ITGB2: variants seen among roughly 807,000 people sequenced by gnomAD.
ITGB2 encodes integrin subunit beta 2, also known as integrin beta-2.
A neutral mutation model predicts 86.8 loss-of-function variants in ITGB2; 56 were observed. The observed-to-expected ratio is 0.65, with a 90% CI of 0.52 to 0.81. The LOEUF (loss-of-function observed/expected upper bound fraction) is 0.81. ITGB2 is among the 30% of genes least tolerant of loss of function. The probability of loss-of-function intolerance (pLI) is 0.00; values close to 1 mark genes in which losing one functional copy is unlikely to be tolerated. For missense variants in ITGB2, 948 were observed against 1,061.2 expected, an observed-to-expected ratio of 0.89 and a Z score of 1.48; for synonymous variants, 457 against 450.4, an observed-to-expected ratio of 1.01 and a Z score of -0.19.
At chr21:44,899,527 A>T (rs1257878372) in intron 7 of ITGB2, among the ~76,000 whole-genome samples, 1 of 150,346 alleles carries the variant, frequency 6.7e-6, no homozygotes, top group Non-Finnish European at 1.5e-5. Context: ...GGCTCTCCCT[A>T]CCCGAGTTCC....
chr21:44,919,659 GC>G (rs2084269104), intron 1 of ITGB2, among the ~76,000 whole-genome samples: 1 of 152,156 alleles, frequency 6.6e-6, no homozygotes, highest in African/African-American at 2.4e-5. Context: ...TGTCCCCTAT[GC>G]CCCCACAGCT....
Position 44,901,573 on chromosome 21 carries a change from C to A in ITGB2, c.660G>T (p.Glu220Asp), listed in dbSNP as rs1481624939. The part of the protein sequence containing the change: ...LTNNSNQFQT[E>D]VGKQLISGNL... ...TTCCGGAAATCAGCTGCTTCCCGAC[C>A]TCGGTCTGAAACTGGTTGGAGTTGT... Residue 220 changes from glutamate to aspartate, a missense_variant, in exon 6 of 16, where the codon GAG (glutamate) becomes GAT (aspartate). Coordinates refer to ENST00000652462, the MANE Select transcript of ITGB2 (RefSeq NM_000211.5). The A allele has an allele frequency of 1.2e-6, 2 of 1,614,268 alleles. No individual in the cohort carries two copies. Among genetic ancestry groups the A allele is most frequent in the Admixed American group, 3.3e-5 (2 of 60,030 alleles).
chr21:44,888,927 A>C, intron 13 of ITGB2, 32 bp from the exon 14 acceptor site: 1 of 1,560,324 alleles, frequency 6.4e-7, no homozygotes, highest in Non-Finnish European at 8.6e-7. Context: ...CATCGGTGCC[A>C]GGGTGTGCGG....
At chr21:44,912,838 C>T (rs990177673) in intron 1 of ITGB2, among the ~76,000 whole-genome samples, 3 of 142,474 alleles carry the variant, frequency 2.1e-5, no homozygotes, top group Non-Finnish European at 4.6e-5. Flanking sequence ...AGGGTCCAGC[C>T]GGCTTCAGGA....
intron 8 of ITGB2, among the ~76,000 whole-genome samples, chr21:44,897,354 C>A (rs1439055911): frequency 6.6e-6 from 1 of 152,230 alleles, no homozygotes. Flanking sequence ...AGCAGCAGGG[C>A]AGGGGCTGTG....
chr21:44,926,648 G>C (rs1290107379), intron 1 of ITGB2, among the ~76,000 whole-genome samples: 1 of 152,220 alleles, frequency 6.6e-6, no homozygotes, highest in Non-Finnish European at 1.5e-5. Flanking sequence ...CCGCATGTCT[G>C]GGTACAACTG....
chr21:44,899,290 AGGCAGAGGCTGCCACGCAGGAGTGCAG>A, intron 7 of ITGB2, 128 bp from the exon 8 acceptor site: 1 of 740,210 alleles, frequency 1.4e-6, no homozygotes, highest in Non-Finnish European at 2.4e-6. Context: ...AAGGCTGGAG[AGGCAGAGGCTGCCACGCAGGAGTGCAG>A]GGCAGAGAGC....
chr21:44,926,135 T>A (rs2329941), intron 1 of ITGB2, among the ~76,000 whole-genome samples: 86,250 of 150,490 alleles, frequency 0.57, 26,592 homozygotes, highest in African/African-American at 0.82. Flanking sequence ...ATAAATAAAT[T>A]AATTAATTAA....
rs778365550 is a variant in ITGB2, at chr21:44,906,997, T to A, written c.246A>T (p.Thr82=). 12 of 1,613,950 alleles carry A rather than the reference T, an allele frequency of 7.4e-6. No homozygotes were observed. The highest frequency in any genetic ancestry group is 1.0e-5 in the Non-Finnish European group (12 of 1,179,998). Reference sequence around the variant, plus strand: ...GGTCTTCCTGGGTTTCAGCGAGGCTTGTGGGGTCCATGATGTCGTCAGCCG... The same window carrying A: ...GGTCTTCCTGGGTTTCAGCGAGGCTAGTGGGGTCCATGATGTCGTCAGCCG... ...GCAADDIMDP[T]SLAETQEDHN... The change falls in exon 4 of 16, where the codon ACA becomes ACT. Residue 82 remains threonine, a synonymous_variant. Transcript: ENST00000652462.
chr21:44,904,128 C>T (rs2146533176), intron 4 of ITGB2, among the ~76,000 whole-genome samples: 1 of 152,264 alleles, frequency 6.6e-6, no homozygotes, highest in East Asian at 1.9e-4. Context: ...TCTCCATAAA[C>T]ACACATCATG....
chr21:44,903,846 G>A (rs948534019), intron 4 of ITGB2, among the ~76,000 whole-genome samples: 4 of 152,086 alleles, frequency 2.6e-5, no homozygotes, highest in Non-Finnish European at 5.9e-5. Context: ...GAGTGGCAGC[G>A]GCTCACCTGG....
intron 1 of ITGB2, among the ~76,000 whole-genome samples, chr21:44,913,183 C>T (rs534420493): frequency 2.8e-4 from 43 of 152,182 alleles, no homozygotes; most frequent in African/African-American, 6.7e-4. Context: ...GTCGCAGCTG[C>T]GCCAAGTGGG....
Position 44,886,248 on chromosome 21 carries a change from G to C in ITGB2, c.*120C>G. 1 of 1,046,728 alleles carries C rather than the reference G, an allele frequency of 9.6e-7. No homozygotes were observed. Among genetic ancestry groups the C allele is most frequent in the Non-Finnish European group, 1.5e-6 (1 of 668,282 alleles). The allele number at this position is 1,046,728 out of a possible 1,614,324, so 64.8% of individuals were successfully genotyped here. On this transcript the variant is annotated 3_prime_UTR_variant, in exon 16 of 16. Transcript: ENST00000652462. ...GGCCATGGCTGTCATTTTGAGGGCGGAAAATAACTGGATTTCTGGTTAATT... is the reference window on the plus strand; with the variant it reads ...GGCCATGGCTGTCATTTTGAGGGCGCAAAATAACTGGATTTCTGGTTAATT...
intron 13 of ITGB2, 148 bp from the exon 14 acceptor site, chr21:44,889,043 G>A (rs930731540): frequency 4.2e-5 from 30 of 709,030 alleles, no homozygotes; most frequent in African/African-American, 1.8e-4. Context: ...GGGCAGATGC[G>A]GGTGCAGCGG....
At chr21:44,907,596 G>A (rs1478301474) in intron 3 of ITGB2, among the ~76,000 whole-genome samples, 1 of 152,266 alleles carries the variant, frequency 6.6e-6, no homozygotes, top group African/African-American at 2.4e-5. Flanking sequence ...CCTGGGCCCA[G>A]GGCGCTTTCC....
At chr21:44,924,390 A>ACT (rs1488838783), upstream of ITGB2, among the ~76,000 whole-genome samples, 2 of 152,174 alleles carry the variant, frequency 1.3e-5, no homozygotes, top group Admixed American at 1.3e-4. Context: ...AGATTGTGCC[A>ACT]CTGCATTCCA....
chr21:44,919,143 C>T (rs1457465939), intron 1 of ITGB2, among the ~76,000 whole-genome samples: 2 of 152,188 alleles, frequency 1.3e-5, no homozygotes, highest in Non-Finnish European at 2.9e-5. Flanking sequence ...CACCGAGGGC[C>T]ACAGCCCCCC....
intron 10 of ITGB2, 97 bp from the exon 11 acceptor site, chr21:44,892,093 G>A (rs2083794186): frequency 1.6e-6 from 2 of 1,239,082 alleles, no homozygotes; most frequent in Admixed American, 1.9e-5. Flanking sequence ...GGGGTCCTGG[G>A]GGGTTCAGCG....
intron 8 of ITGB2, among the ~76,000 whole-genome samples, chr21:44,897,219 A>G: frequency 6.6e-6 from 1 of 152,242 alleles, no homozygotes; most frequent in Non-Finnish European, 1.5e-5. Flanking sequence ...CACGAGGTTG[A>G]GCTTGTAGCT....
Sources: gnomAD v4.1 joint callset for allele counts (sites outside exome capture counted in the v4.1 genomes callset) on GRCh38, gnomAD v4.1.1 for gene constraint, MANE v1.5 for transcripts, NCBI Gene and HGNC (gene_info 2026-07-23, HGNC 2026-07-21) for gene names.